SAMD3: variants seen among roughly 807,000 people sequenced by gnomAD.
SAMD3 encodes sterile alpha motif domain-containing protein 3.
SAMD3 carries 63 observed loss-of-function variants against 58.5 expected under a neutral mutation model. That is an observed-to-expected ratio of 1.08 (90% CI 0.88 to 1.33). The LOEUF (loss-of-function observed/expected upper bound fraction) is 1.33. SAMD3 is among the 40% of genes most tolerant of loss of function. The probability of loss-of-function intolerance (pLI) is 0.00; values close to 1 mark genes in which losing one functional copy is unlikely to be tolerated. For synonymous variants in SAMD3, 220 were observed against 210.3 expected (o/e 1.05, Z -0.40); for missense variants, 604 against 608.4 (o/e 0.99, Z 0.08).
intron 5 of SAMD3, among the ~76,000 whole-genome samples, chr6:130,189,029 T>C (rs1283499382): frequency 6.7e-6 from 1 of 149,022 alleles, no homozygotes; most frequent in East Asian, 2.0e-4. Flanking sequence ...CCATCTTAGA[T>C]CTCCAACAAC....
intron 1 of SAMD3, among the ~76,000 whole-genome samples, chr6:130,334,787 G>A (rs1583122230): frequency 6.6e-6 from 1 of 152,170 alleles, no homozygotes; most frequent in African/African-American, 2.4e-5. Flanking sequence ...CAGAATGAAA[G>A]CCCATGTTCC....
intron 2 of SAMD3, among the ~76,000 whole-genome samples, chr6:130,286,800 C>A (rs1411246502): frequency 6.6e-6 from 1 of 152,174 alleles, no homozygotes; most frequent in East Asian, 1.9e-4. Context: ...CAACCTCCAC[C>A]TCTCAGGCTC....
chr6:130,345,866 A>G (rs1183863109), intron 1 of SAMD3, among the ~76,000 whole-genome samples: 3 of 152,188 alleles, frequency 2.0e-5, no homozygotes, highest in East Asian at 1.9e-4. Context: ...AGTATCTGTC[A>G]TGGGTCATGT....
intron 2 of SAMD3, among the ~76,000 whole-genome samples, chr6:130,301,161 A>G (rs1444397283): frequency 1.3e-5 from 2 of 151,982 alleles, no homozygotes; most frequent in African/African-American, 4.8e-5. Flanking sequence ...ATTCTTTTTT[A>G]TGGCTGCGTA....
chr6:130,335,677 G>A (rs1468787388), intron 1 of SAMD3, among the ~76,000 whole-genome samples: 3 of 152,142 alleles, frequency 2.0e-5, no homozygotes, highest in Non-Finnish European at 4.4e-5. Context: ...TATACCCAAA[G>A]GACTATAAAT....
At chr6:130,148,420 C>A (rs563930187) in intron 9 of SAMD3, among the ~76,000 whole-genome samples, 1 of 152,350 alleles carries the variant, frequency 6.6e-6, no homozygotes, top group East Asian at 1.9e-4. Context: ...TATTAGTGTG[C>A]AAGCACTTCC....
intron 1 of SAMD3, among the ~76,000 whole-genome samples, chr6:130,352,078 G>C (rs1354309173): frequency 7.8e-6 from 1 of 127,800 alleles, no homozygotes; most frequent in African/African-American, 2.9e-5. Context: ...TGGGGGGAGG[G>C]GGGAGGGATA....
At chr6:130,156,979 A>T (rs1348986349) in intron 8 of SAMD3, among the ~76,000 whole-genome samples, 1 of 152,066 alleles carries the variant, frequency 6.6e-6, no homozygotes, top group Non-Finnish European at 1.5e-5. Context: ...CTGAGACAGG[A>T]GAATCGTTTG....
chr6:130,152,215 G>A (rs1789269434), intron 9 of SAMD3, among the ~76,000 whole-genome samples: 2 of 152,204 alleles, frequency 1.3e-5, no homozygotes, highest in South Asian at 4.1e-4. Flanking sequence ...TTTGGTGCAG[G>A]GACAACTGTC....
intron 1 of SAMD3, among the ~76,000 whole-genome samples, chr6:130,344,057 T>A (rs1041353110): frequency 2.6e-5 from 4 of 152,200 alleles, no homozygotes; most frequent in Non-Finnish European, 4.4e-5. Context: ...AGGCAGCAAG[T>A]AACCTTCAGG....
chr6:130,185,322 TTTTTA>T (rs1324932841), intron 5 of SAMD3, among the ~76,000 whole-genome samples: 2 of 152,096 alleles, frequency 1.3e-5, no homozygotes, highest in African/African-American at 4.8e-5. Context: ...ACTTTTTTAT[TTTTTA>T]TTTTATTATT....
chr6:130,225,677 C>T (rs1796365908), upstream of SAMD3, among the ~76,000 whole-genome samples: 1 of 152,124 alleles, frequency 6.6e-6, no homozygotes, highest in Non-Finnish European at 1.5e-5. Context: ...CATATGGGAA[C>T]AAATGTGGCA....
chr6:130,195,274 G>A lies in SAMD3; in HGVS notation c.384-10651C>T, dbSNP rs571653539. On this transcript the variant is annotated intron_variant, in intron 5 of 11. Coordinates refer to ENST00000439090, the MANE Select transcript of SAMD3 (RefSeq NM_001017373.4). ...TAATCCCTCCTTGGTGACCGATTAT[G>A]CACCCCTTACCATCTCATTAAAACC... Among the ~76,000 whole-genome samples, 26 of 151,958 alleles carry A rather than the reference G, an allele frequency of 1.7e-4. 1 individual carries two copies. Among genetic ancestry groups the A allele is most frequent in the African/African-American group, 5.3e-4 (22 of 41,430 alleles).
chr6:130,184,542 A>G lies in SAMD3; in HGVS notation c.465T>C (p.Asp155=), dbSNP rs1792742118. 6.2e-7 allele frequency: 1 copy of G among 1,614,040 alleles called. No individual in the cohort carries two copies. Among genetic ancestry groups the G allele is most frequent in the Admixed American group, 1.7e-5 (1 of 60,014 alleles). Residue 155 remains aspartate, a synonymous_variant, in exon 6 of 12, where the codon GAT becomes GAC. Transcript: ENST00000439090. The part of the protein sequence containing the change: ...KSYVLPEFPY[D]VKCMLAEQKC... ...TCTGCTCTGCTAACATGCATTTGAC[A>G]TCATAGGGAAACTCTGGTAAAACAT...
chr6:130,312,878 C>T (rs1776227070), intron 2 of SAMD3: 1 of 152,282 alleles, frequency 6.6e-6, no homozygotes, highest in African/African-American at 2.4e-5. Context: ...GGTGATTTAT[C>T]TGGCTGGTTA....
chr6:130,338,290 C>T (rs1291296562), intron 1 of SAMD3, among the ~76,000 whole-genome samples: 1 of 152,204 alleles, frequency 6.6e-6, no homozygotes, highest in Non-Finnish European at 1.5e-5. Flanking sequence ...GAACTTCTGC[C>T]TAAATTTCAG....
At chr6:130,209,200 A>G (rs1795328275) in intron 5 of SAMD3, among the ~76,000 whole-genome samples, 1 of 152,220 alleles carries the variant, frequency 6.6e-6, no homozygotes, top group African/African-American at 2.4e-5. Context: ...CATCTTTGTG[A>G]CTGCTGCCAA....
intron 1 of SAMD3, among the ~76,000 whole-genome samples, chr6:130,350,211 G>A (rs919962063): frequency 1.3e-5 from 2 of 152,188 alleles, no homozygotes; most frequent in Non-Finnish European, 2.9e-5. Flanking sequence ...AGTGTTAGAA[G>A]TTCTGGGCAG....
intron 8 of SAMD3, among the ~76,000 whole-genome samples, chr6:130,164,473 C>G (rs1354292292): frequency 6.6e-6 from 1 of 152,138 alleles, no homozygotes; most frequent in Non-Finnish European, 1.5e-5. Context: ...TAGGACTAGC[C>G]TGATCCTCAA....
Sources: allele counts gnomAD v4.1 joint callset (sites outside exome capture counted in the v4.1 genomes callset), GRCh38; gene constraint gnomAD v4.1.1; transcripts MANE v1.5; gene names NCBI Gene and HGNC (gene_info 2026-07-23, HGNC 2026-07-21).